MPP1: variants seen among roughly 807,000 people sequenced by gnomAD.
MPP1 encodes the protein 55 kDa erythrocyte membrane protein.
A neutral mutation model predicts 38.2 loss-of-function variants in MPP1; 6 were observed. The ratio of observed to expected loss-of-function variants is 0.16; its 90% confidence interval spans 0.09 to 0.31. The LOEUF (loss-of-function observed/expected upper bound fraction) is 0.31, where lower values mean the gene tolerates loss of function less well. Ranked by LOEUF, MPP1 falls within the 10% of genes least tolerant of loss-of-function variation. The probability of loss-of-function intolerance (pLI) is 1.00; values close to 1 mark genes in which losing one functional copy is unlikely to be tolerated. For synonymous variants in MPP1, 153 were observed against 146.3 expected, an observed-to-expected ratio of 1.05 and a Z score of -0.33; for missense variants, 293 against 368.9, an observed-to-expected ratio of 0.79 and a Z score of 1.69.
At chrX:154,781,354 G>T in intron 10 of MPP1, 41 bp from the exon 11 acceptor site, 1 of 936,453 alleles carries the variant, frequency 1.1e-6, no homozygotes, top group Non-Finnish European at 1.5e-6. Context: ...GGGGGGGAAG[G>T]AAGAAAAGGA....
chrX:154,799,672 C>A, intron 1 of MPP1: 1 of 1,074,848 alleles, frequency 9.3e-7, no homozygotes. Context: ...TGACCAGTGA[C>A]AAGGCAGGGC....
chrX:154,792,038 G>A, intron 2 of MPP1, 104 bp downstream of exon 2: 1 of 1,105,111 alleles, frequency 9.0e-7, no homozygotes, highest in Non-Finnish European at 1.2e-6. Flanking sequence ...TTTGGGGTTG[G>A]CCAATTCCCT....
Position 154,792,144 on chromosome X carries a change from T to C in MPP1, c.244A>G (p.Met82Val), listed in dbSNP as rs1482050291. 6 of 1,210,239 alleles carry C rather than the reference T, an allele frequency of 5.0e-6. No individual in the cohort carries two copies. Among genetic ancestry groups the C allele is most frequent in the Non-Finnish European group, 6.7e-6 (6 of 894,306 alleles). Residue 82 changes from methionine to valine, a missense_variant and splice_region_variant, in exon 2 of 12, where the codon ATG becomes GTG. By Grantham distance (21) the Met-to-Val change is conservative. Transcript: ENST00000369534. Reference sequence around the variant, plus strand: ...GCGACAATATGACGGGGGATTACCATGGGCTCTTCTGTGACCTTCTCAAAC... The same window carrying C: ...GCGACAATATGACGGGGGATTACCACGGGCTCTTCTGTGACCTTCTCAAAC... ...IQFEKVTEEPMGITLKLNEKQ... is the reference protein window; with the variant it reads ...IQFEKVTEEPVGITLKLNEKQ...
At chrX:154,780,985 G>A (rs1274210099) in intron 11 of MPP1, among the ~76,000 whole-genome samples, 1 of 112,313 alleles carries the variant, frequency 8.9e-6, no homozygotes, top group Non-Finnish European at 1.9e-5. Context: ...CTCTGCCCCT[G>A]GAACTGTGTG....
Position 154,799,676 on chromosome X carries a change from G to A in MPP1, c.102+5596C>T, listed in dbSNP as rs1299063237. On this transcript the variant is annotated intron_variant, in intron 1 of 11. Transcript: ENST00000369534. ...AGGCCTGCCCCTGACCAGTGACAAG[G>A]CAGGGCGGAAGTGGCTCTGTTAAGG... 7.4e-6 allele frequency: 8 copies of A among 1,074,707 alleles called. No individual in the cohort carries two copies. The Admixed American group carries it at 1.8e-4, about 24-fold the overall frequency. The allele number at this position is 1,074,707 out of a possible 1,213,427, so 88.6% of individuals were successfully genotyped here.
intron 11 of MPP1, among the ~76,000 whole-genome samples, chrX:154,780,587 C>G (rs1045138148): frequency 5.3e-5 from 6 of 112,612 alleles, no homozygotes; most frequent in Non-Finnish European, 1.1e-4. Context: ...TGTCCAAATT[C>G]TAAGTGTGTG....
chrX:154,786,528 G>T, intron 5 of MPP1, 128 bp from the exon 6 acceptor site: 2 of 592,041 alleles, frequency 3.4e-6, no homozygotes, highest in Non-Finnish European at 5.4e-6. Context: ...TGGTGGGGGA[G>T]CACCCAAGAA....
In MPP1 at chrX:154,790,042, T is replaced by A. The variant is rs781834023; in HGVS notation, c.412-20A>T. The A allele has an allele frequency of 3.7e-6, 4 of 1,086,170 alleles. No homozygotes were observed. Among genetic ancestry groups the A allele is most frequent in the Non-Finnish European group, 5.1e-6 (4 of 791,175 alleles). 89.5% of individuals were successfully genotyped at this position (1,086,170 alleles called of 1,213,427 possible). On this transcript the variant is annotated intron_variant, in intron 4 of 11. Transcript: ENST00000369534. ...TTCTTTCTATTAAAAAAAATGGACA[T>A]AAAATTGTACAGAAAACTAAGTTGA... is the stretch of plus-strand genomic sequence containing the variant.
At chrX:154,791,954 C>G (rs1010205055) in intron 2 of MPP1, 107 bp from the exon 3 acceptor site, 6 of 944,955 alleles carry the variant, frequency 6.3e-6, no homozygotes, top group Non-Finnish European at 9.0e-6. Context: ...CATTTATACC[C>G]AGGATAGTCC....
rs1455509740 is a variant in MPP1, at chrX:154,779,013, G to A, written c.*164C>T. On this transcript the variant is annotated 3_prime_UTR_variant, in exon 12 of 12. Coordinates refer to ENST00000369534, the MANE Select transcript of MPP1 (RefSeq NM_002436.4). ...TATCAGGAGAATCAACCCTTCAGGA[G>A]CCTGAGCAAGAAGACTGAACCTTAC... is the stretch of plus-strand genomic sequence containing the variant. 1 of 499,937 alleles carries A rather than the reference G, an allele frequency of 2.0e-6. No individual in the cohort carries two copies. Among genetic ancestry groups the A allele is most frequent in the Non-Finnish European group, 3.2e-6 (1 of 313,873 alleles). The allele number at this position is 499,937 out of a possible 1,213,427, so 41.2% of individuals were successfully genotyped here.
chrX:154,781,345 G>C (rs782325948), intron 10 of MPP1, 32 bp from the exon 11 acceptor site: 61 of 1,058,521 alleles, frequency 5.8e-5, no homozygotes, highest in South Asian at 3.7e-4. Flanking sequence ...GGCGGGGAGG[G>C]GGGGGAAGGA....
At chrX:154,805,205 G>A in intron 1 of MPP1, 67 bp downstream of exon 1, 2 of 1,052,974 alleles carry the variant, frequency 1.9e-6, no homozygotes, top group South Asian at 4.1e-5. Context: ...GACCGGGACA[G>A]GGAAAGTCCC....
At chrX:154,799,945 C>G (rs1467029100) in intron 1 of MPP1, 2 of 1,006,497 alleles carry the variant, frequency 2.0e-6, no homozygotes, top group Non-Finnish European at 2.7e-6. Context: ...CGGGCGGTGG[C>G]GGGGGTGAAT....
intron 11 of MPP1, among the ~76,000 whole-genome samples, chrX:154,779,806 C>T: frequency 8.8e-6 from 1 of 113,049 alleles, no homozygotes; most frequent in East Asian, 2.8e-4. Context: ...GCAACCTCCG[C>T]CTCCCGGGTT....
chrX:154,778,909 T>G lies in MPP1; in HGVS notation c.*268A>C, dbSNP rs2071952250. 2 of 340,456 alleles carry G rather than the reference T, an allele frequency of 5.9e-6. No individual in the cohort carries two copies. Among genetic ancestry groups the G allele is most frequent in the Non-Finnish European group, 5.1e-6 (1 of 197,734 alleles). The allele number at this position is 340,456 out of a possible 1,213,427, so 28.1% of individuals were successfully genotyped here. On this transcript the variant is annotated 3_prime_UTR_variant, in exon 12 of 12. Transcript: ENST00000369534. ...GCTTTTGCTGTGCATCACCCTTGAT[T>G]AGCAGTTACATTTTGGTAGTACTTC...
In MPP1 at chrX:154,784,145, G is replaced by T. The variant is rs200811469; in HGVS notation, c.785-37C>A. On this transcript the variant is annotated intron_variant, in intron 7 of 11. Coordinates refer to ENST00000369534, the MANE Select transcript of MPP1 (RefSeq NM_002436.4). ...GAAAACCAAGCAGTGTTCATTTCCA[G>T]AGCTAGGGAGAACAGTGGTCCACAC... 3.5e-4 allele frequency: 384 copies of T among 1,084,452 alleles called. No individual in the cohort carries two copies. In the Middle Eastern group the frequency reaches 4.4e-3, roughly 13 times the overall value. The allele number at this position is 1,084,452 out of a possible 1,213,427, so 89.4% of individuals were successfully genotyped here.
chrX:154,804,722 G>A (rs1246141954), intron 1 of MPP1: 22 of 340,749 alleles, frequency 6.5e-5, no homozygotes, highest in Non-Finnish European at 1.1e-4. Flanking sequence ...GAGGACGGAG[G>A]TTAATAGCTA....
In MPP1 at chrX:154,792,420, G is replaced by T. The variant is rs141315022; in HGVS notation, c.103-135C>A. 521 of 742,145 alleles carry T rather than the reference G, an allele frequency of 7.0e-4. 1 individual carries two copies. In the African/African-American group the frequency reaches 0.01, roughly 15 times the overall value. 61.2% of individuals were successfully genotyped at this position (742,145 alleles called of 1,213,427 possible). A position where few individuals can be genotyped will look rare whatever the true frequency, so the allele number is the denominator to read the frequency against. ...GTTTGGCCTCATTCTTATTTGAATT[G>T]ACATGAAGCTGTTTGTAAGCTTTAT... On this transcript the variant is annotated intron_variant, in intron 1 of 11. Transcript: ENST00000369534.
At chrX:154,802,172 C>A (rs2072275009) in intron 1 of MPP1, among the ~76,000 whole-genome samples, 1 of 112,573 alleles carries the variant, frequency 8.9e-6, no homozygotes, top group African/African-American at 3.2e-5. Flanking sequence ...AGCCTAGGTA[C>A]TGCGAAATGC....
Sources: allele counts gnomAD v4.1 joint callset (sites outside exome capture counted in the v4.1 genomes callset), GRCh38; gene constraint gnomAD v4.1.1; transcripts MANE v1.5; gene names NCBI Gene and HGNC (gene_info 2026-07-23, HGNC 2026-07-21).